The following PTPN2 variants were observed in gnomAD, a reference collection of about 807,000 sequenced individuals.
PTPN2 encodes the protein tyrosine-protein phosphatase non-receptor type 2.
A neutral mutation model predicts 57.3 loss-of-function variants in PTPN2; 19 were observed. The observed-to-expected ratio is 0.33, with a 90% confidence interval of 0.23 to 0.49. The LOEUF (loss-of-function observed/expected upper bound fraction) is 0.49. Among genes scored for constraint, PTPN2 ranks in the 20% least tolerant of loss-of-function variants. The probability of loss-of-function intolerance (pLI) is 0.99; values close to 1 mark genes in which losing one functional copy is unlikely to be tolerated. For missense variants in PTPN2, 358 were observed against 501.1 expected (o/e 0.71, Z 2.73); for synonymous variants, 153 against 164.9 (o/e 0.93, Z 0.55).
chr18:12,788,602 G>C (rs961761075), downstream of PTPN2, among the ~76,000 whole-genome samples: 6 of 151,576 alleles, frequency 4.0e-5, no homozygotes, highest in African/African-American at 1.5e-4. Context: ...TGTTTTCCTT[G>C]TCAGACTGTT....
chr18:12,804,305 A>AG (rs1555659752), intron 7 of PTPN2, among the ~76,000 whole-genome samples: 7 of 150,430 alleles, frequency 4.7e-5, no homozygotes, highest in African/African-American at 7.3e-5. Context: ...AAAAAAAAAA[A>AG]AAAAGAAAAA....
intron 1 of PTPN2, among the ~76,000 whole-genome samples, chr18:12,861,026 A>G (rs2043790280): frequency 6.6e-6 from 1 of 152,200 alleles, no homozygotes; most frequent in South Asian, 2.1e-4. Flanking sequence ...GTTTTTATAG[A>G]CATAGGGTCT....
intron 2 of PTPN2, among the ~76,000 whole-genome samples, chr18:12,839,351 A>C (rs2145408177): frequency 6.6e-6 from 1 of 152,318 alleles, no homozygotes; most frequent in Non-Finnish European, 1.5e-5. Context: ...TAATCATTAA[A>C]AAACAAACTT....
At chr18:12,870,391 A>ATACG (rs1334282745) in intron 1 of PTPN2, among the ~76,000 whole-genome samples, 5 of 72,254 alleles carry the variant, frequency 6.9e-5, no homozygotes, top group Non-Finnish European at 1.2e-4. Context: ...ATACGTATAT[A>ATACG]TGTATATATA....
chr18:12,801,478 C>A (rs1317588340), intron 8 of PTPN2, among the ~76,000 whole-genome samples: 1 of 151,772 alleles, frequency 6.6e-6, no homozygotes. Context: ...CGCACTCTAG[C>A]CTGGGTGACA....
At chr18:12,820,932 A>G (rs2042250430) in intron 5 of PTPN2, among the ~76,000 whole-genome samples, 1 of 152,246 alleles carries the variant, frequency 6.6e-6, no homozygotes, top group Admixed American at 6.5e-5. Context: ...GAAGCCAGGA[A>G]AATAACCTGT....
intron 1 of PTPN2, among the ~76,000 whole-genome samples, chr18:12,879,988 A>T (rs1357991617): frequency 1.3e-5 from 2 of 152,190 alleles, no homozygotes; most frequent in African/African-American, 4.8e-5. Flanking sequence ...GCTTAATGCA[A>T]ATTGTGTTCC....
At chr18:12,881,737 T>A (rs1238710332) in intron 1 of PTPN2, among the ~76,000 whole-genome samples, 1 of 152,112 alleles carries the variant, frequency 6.6e-6, no homozygotes, top group Non-Finnish European at 1.5e-5. Context: ...TCACCAGAAC[T>A]CCCATGTGTA....
At chr18:12,882,217 T>G (rs1227498570) in intron 1 of PTPN2, among the ~76,000 whole-genome samples, 1 of 152,248 alleles carries the variant, frequency 6.6e-6, no homozygotes, top group Non-Finnish European at 1.5e-5. Flanking sequence ...GTAACACCAG[T>G]GTGCATGCCA....
At chr18:12,794,525 G>C (rs781411964) in intron 8 of PTPN2, 40 bp from the exon 9 acceptor site, 6 of 1,603,196 alleles carry the variant, frequency 3.7e-6, no homozygotes, top group Non-Finnish European at 5.1e-6. Flanking sequence ...AGTGCACACA[G>C]AGCAGGACTT....
chr18:12,821,224 C>T (rs768781617), intron 5 of PTPN2: 1 of 152,130 alleles, frequency 6.6e-6, no homozygotes, highest in East Asian at 1.9e-4. Context: ...ACTTACCTTA[C>T]AAAACTGTTG....
intron 2 of PTPN2, among the ~76,000 whole-genome samples, chr18:12,842,136 C>CCT (rs2043065966): frequency 6.6e-6 from 1 of 152,124 alleles, no homozygotes; most frequent in Admixed American, 6.6e-5. Context: ...GAACTCTCGA[C>CCT]CTCAGGTGAT....
chr18:12,817,906 C>T (rs779558352), intron 5 of PTPN2, among the ~76,000 whole-genome samples: 15 of 152,020 alleles, frequency 9.9e-5, no homozygotes, highest in Admixed American at 2.0e-4. Flanking sequence ...TTTGGGAGGC[C>T]GAGGTGGGCA....
At position 12,817,237 on chromosome 18, in the gene PTPN2, GTCAGGGT is replaced by G; in HGVS notation, c.617_623del (p.Asn206ThrfsTer6). ...TACAGTGGATCACCGCAGGCCCATGGTCAGGGTTCAAGGAGCCAGATTCTCTCACTTT... is the reference window on the plus strand; with the variant it reads ...TACAGTGGATCACCGCAGGCCCATGGTCAAGGAGCCAGATTCTCTCACTTT... On this transcript the variant is annotated frameshift_variant, in exon 6 of 9. Transcript: ENST00000309660. LOFTEE classifies it high-confidence loss of function. 1 of 1,614,200 alleles carries G rather than the reference GTCAGGGT, an allele frequency of 6.2e-7. No individual in the cohort carries two copies. Among genetic ancestry groups the G allele is most frequent in the Non-Finnish European group, 8.5e-7 (1 of 1,180,040 alleles).
At chr18:12,840,621 A>G in intron 2 of PTPN2, 3 of 1,381,408 alleles carry the variant, frequency 2.2e-6, no homozygotes, top group East Asian at 4.8e-5. Context: ...GATCACACCC[A>G]TCGCACTGTC....
chr18:12,857,794 T>C (rs1223862310), intron 2 of PTPN2, among the ~76,000 whole-genome samples: 1 of 152,054 alleles, frequency 6.6e-6, no homozygotes, highest in Admixed American at 6.5e-5. Flanking sequence ...CTGAAGAAAA[T>C]GGAAAACCAC....
chr18:12,826,736 T>G (rs960117444), intron 4 of PTPN2, among the ~76,000 whole-genome samples: 3 of 151,940 alleles, frequency 2.0e-5, no homozygotes, highest in African/African-American at 7.2e-5. Context: ...ACCCAGCTAA[T>G]TTTTGTATTT....
chr18:12,815,870 T>C (rs2042058217), intron 6 of PTPN2, among the ~76,000 whole-genome samples: 1 of 152,240 alleles, frequency 6.6e-6, no homozygotes, highest in South Asian at 2.1e-4. Flanking sequence ...CATCATCATA[T>C]TAATTCACCT....
At chr18:12,836,980 CAG>C in intron 2 of PTPN2, 89 bp from the exon 3 acceptor site, 3 of 787,500 alleles carry the variant, frequency 3.8e-6, no homozygotes, top group South Asian at 3.5e-5. Context: ...TATAAAAAGA[CAG>C]AAGAAATAAG....
Sources: allele counts gnomAD v4.1 joint callset (sites outside exome capture counted in the v4.1 genomes callset), GRCh38; gene constraint gnomAD v4.1.1; transcripts MANE v1.5; gene names NCBI Gene and HGNC (gene_info 2026-07-23, HGNC 2026-07-21).